Variants in HELZ observed in about 807,000 individuals in gnomAD.
The protein encoded by HELZ is ATP-dependent RNA helicase with zinc finger domain.
In HELZ, 23 loss-of-function variants were observed where a neutral mutation model predicts 218.2. That is an observed-to-expected ratio of 0.11 (90% confidence interval 0.08 to 0.15). The LOEUF (loss-of-function observed/expected upper bound fraction) is 0.15. Ranked by LOEUF, HELZ falls within the 10% of genes least tolerant of loss-of-function variation. HELZ has a pLI of 1.00. For missense variants in HELZ, 1,813 were observed against 2,353.7 expected (o/e 0.77, Z 4.75); for synonymous variants, 814 against 829.4 (o/e 0.98, Z 0.32).
intron 6 of HELZ, among the ~76,000 whole-genome samples, chr17:67,202,221 G>T (rs935614008): frequency 6.7e-6 from 1 of 150,274 alleles, no homozygotes; most frequent in Non-Finnish European, 1.5e-5. Context: ...CTTAAGTTAC[G>T]AACTGGTTTA....
chr17:67,203,269 C>CA, intron 6 of HELZ, 50 bp downstream of exon 6: 1 of 1,584,954 alleles, frequency 6.3e-7, no homozygotes, highest in Non-Finnish European at 8.6e-7. Flanking sequence ...CCTAAGGAAT[C>CA]AAATAAAAAT....
chr17:67,111,406 G>A lies in HELZ; in HGVS notation c.3919-1720C>T, dbSNP rs2037276103. ...ATTACTTGGAGTGTAAATAAATTTG[G>A]CACGTCAATCTCCTTACAAGTTTCA... On this transcript the variant is annotated intron_variant, in intron 28 of 32. Transcript: ENST00000358691. Among the ~76,000 whole-genome samples, 3 of 152,070 alleles carry A rather than the reference G, an allele frequency of 2.0e-5. No homozygotes were observed. The South Asian group carries it at 6.2e-4, about 31-fold the overall frequency.
chr17:67,148,712 G>C lies in HELZ; in HGVS notation c.2478C>G (p.Leu826=), dbSNP rs773620244. 3 of 1,607,542 alleles carry C rather than the reference G, an allele frequency of 1.9e-6. No homozygotes were observed. The highest frequency in any genetic ancestry group is 1.1e-5 in the South Asian group (1 of 89,846). Residue 826 remains leucine, a splice_region_variant and synonymous_variant, in exon 20 of 33, where the codon CTC becomes CTG. Coordinates refer to ENST00000358691, the MANE Select transcript of HELZ (RefSeq NM_014877.4). ...RIVLAGDHMQ[L]SPFVYSEFAR... ...CAAACTCGCTGTAAACAAAAGGACT[G>C]AGCTGTAACAGACAAACATACAGAG...
intron 15 of HELZ, among the ~76,000 whole-genome samples, chr17:67,164,571 A>T (rs2039083961): frequency 6.6e-6 from 1 of 152,216 alleles, no homozygotes. Flanking sequence ...TACACTTAAA[A>T]TGGTAAAGAG....
intron 4 of HELZ, among the ~76,000 whole-genome samples, chr17:67,217,264 G>A (rs2040623972): frequency 6.6e-6 from 1 of 152,126 alleles, no homozygotes; most frequent in Non-Finnish European, 1.5e-5. Flanking sequence ...ATCGAGGTAA[G>A]TAACTGCGAC....
In HELZ at chr17:67,245,136, G is replaced by T; in HGVS notation, c.-132+12C>A. 1.0e-6 allele frequency: 1 copy of T among 985,242 alleles called. No homozygotes were observed. The highest frequency in any genetic ancestry group is 1.2e-6 in the Non-Finnish European group (1 of 829,924). The allele number at this position is 985,242 out of a possible 1,614,324, so 61.0% of individuals were successfully genotyped here. On this transcript the variant is annotated intron_variant, in intron 1 of 32. Transcript: ENST00000358691. The stretch of plus-strand genomic sequence containing the variant: ...GGCCCCAGGAGCAGAGAAGGGGGAA[G>T]TCAGGACTTACCTGTCATTACTTTC...
intron 31 of HELZ, among the ~76,000 whole-genome samples, chr17:67,089,694 G>GAGAGAGAGAGAGAGAGAC (rs776184027): frequency 0.027 from 2,672 of 99,322 alleles, 62 homozygotes; most frequent in East Asian, 0.06. Context: ...GAGAGAGAGA[G>GAGAGAGAGAGAGAGAGAC]AGAGAGACAG....
rs778104249 is a variant in HELZ at position 67,193,977 on chromosome 17, A to T, written c.547T>A (p.Leu183Met). ...RGITSSEEYT[L>M]CKRFLEQGIC... The stretch of plus-strand genomic sequence containing the variant: ...AAAAATTCACATTACCTTTTACACA[A>T]AGTATATTCCTCGCTGCTTGTGATT... Residue 183 changes from leucine (L) to methionine (M), a missense_variant, in exon 9 of 33, where the codon TTG becomes ATG. By Grantham distance (15) the Leu-to-Met change is conservative. Transcript: ENST00000358691. The T allele has an allele frequency of 6.2e-7, 1 of 1,613,338 alleles. No individual in the cohort carries two copies. The highest frequency in any genetic ancestry group is 2.2e-5 in the East Asian group (1 of 44,866).
intron 31 of HELZ, among the ~76,000 whole-genome samples, chr17:67,093,447 T>G (rs2036633636): frequency 6.6e-6 from 1 of 152,156 alleles, no homozygotes; most frequent in Non-Finnish European, 1.5e-5. Flanking sequence ...CAAAAAAGAT[T>G]AATAATAATA....
intron 31 of HELZ, among the ~76,000 whole-genome samples, chr17:67,089,668 T>TAGAGAGAGAGAGAGAGAGAG (rs1555595394): frequency 4.2e-5 from 3 of 70,640 alleles, no homozygotes; most frequent in African/African-American, 1.2e-4. Flanking sequence ...TATATATATA[T>TAGAGAGAGAGAGAGAGAGAG]AGAGAGAGAG....
At chr17:67,125,930 T>C (rs1567821916) in intron 24 of HELZ, among the ~76,000 whole-genome samples, 1 of 152,086 alleles carries the variant, frequency 6.6e-6, no homozygotes, top group African/African-American at 2.4e-5. Flanking sequence ...CTATGAGATG[T>C]AGGGGACACA....
At position 67,161,008 on chromosome 17, in the gene HELZ, G is replaced by C; in HGVS notation, c.1964C>G (p.Thr655Ser). Residue 655 changes from threonine to serine, a missense_variant, in exon 16 of 33, where the codon ACT becomes AGT. By Grantham distance (58) the Thr-to-Ser change is moderately conservative (BLOSUM62 1). Transcript: ENST00000358691. ...KQKEAVLAIT[T>S]PLAIQLPPVL... ...AGGCGGCAGCTGGATTGCAAGTGGAGTGGTAATGGCCAGAACAGCCTCTTT... is the reference window on the plus strand; with the variant it reads ...AGGCGGCAGCTGGATTGCAAGTGGACTGGTAATGGCCAGAACAGCCTCTTT... 2 of 1,613,906 alleles carry C rather than the reference G, an allele frequency of 1.2e-6. No homozygotes were observed. The highest frequency in any genetic ancestry group is 1.7e-6 in the Non-Finnish European group (2 of 1,179,844).
Position 67,109,421 on chromosome 17 carries a change from G to A in HELZ, c.4184C>T (p.Pro1395Leu), listed in dbSNP as rs763471024. ...CTGGACTACCTGATTTGGCTGAGGT[G>A]GTATCTGATTTGGTTGTTCAGGCAA... is the stretch of plus-strand genomic sequence containing the variant. Reference protein sequence around the residue: ...NNLPEQPNQIPPQPNQVVQQQ... With the variant: ...NNLPEQPNQILPQPNQVVQQQ... Residue 1395 changes from proline (P) to leucine (L), a missense_variant, in exon 29 of 33, where the codon CCA becomes CTA. Around this residue, in one of 4 missense-constraint regions of HELZ, gnomAD observed 938 missense variants for 1,027.5 expected, o/e 0.91. Transcript: ENST00000358691. The A allele has an allele frequency of 7.4e-6, 12 of 1,614,008 alleles. No homozygotes were observed. The highest frequency in any genetic ancestry group is 1.3e-5 in the African/African-American group (1 of 74,898).
At chr17:67,234,856 C>A (rs1026532463) in intron 3 of HELZ, among the ~76,000 whole-genome samples, 1 of 152,044 alleles carries the variant, frequency 6.6e-6, no homozygotes, top group African/African-American at 2.4e-5. Flanking sequence ...TCCAGAATGC[C>A]CTCTTCCCTT....
chr17:67,225,368 C>A (rs1174844845), intron 3 of HELZ: 1 of 165,920 alleles, frequency 6.0e-6, no homozygotes, highest in African/African-American at 2.4e-5. Context: ...GGCAGCCCGA[C>A]AACTCCTACT....
chr17:67,173,200 A>AT, intron 13 of HELZ: 3 of 169,632 alleles, frequency 1.8e-5, no homozygotes, highest in Non-Finnish European at 3.6e-5. Flanking sequence ...AGCTATACTA[A>AT]TAATTAATTT....
chr17:67,132,761 T>A (rs1185486474), intron 23 of HELZ, among the ~76,000 whole-genome samples: 8 of 152,150 alleles, frequency 5.3e-5, no homozygotes, highest in Non-Finnish European at 2.9e-5. Context: ...CAGAAAAAAA[T>A]CTGTTTAAAA....
At chr17:67,196,220 T>A (rs374917277) in intron 7 of HELZ, among the ~76,000 whole-genome samples, 1 of 152,106 alleles carries the variant, frequency 6.6e-6, no homozygotes, top group Non-Finnish European at 1.5e-5. Flanking sequence ...TACTGCTAGG[T>A]ACCCCACTCA....
intron 28 of HELZ, among the ~76,000 whole-genome samples, chr17:67,111,513 A>C (rs2037278901): frequency 6.6e-6 from 1 of 152,170 alleles, no homozygotes; most frequent in Non-Finnish European, 1.5e-5. Flanking sequence ...ACCACTCCCC[A>C]AAAACAGAAC....
Sources: gnomAD v4.1 joint callset for allele counts (sites outside exome capture counted in the v4.1 genomes callset) on GRCh38, gnomAD v4.1.1 for gene constraint, gnomAD v4.1.1 regional missense constraint, MANE v1.5 for transcripts, NCBI Gene and HGNC (gene_info 2026-07-23, HGNC 2026-07-21) for gene names.